Variants in PRR12 observed in about 807,000 individuals in gnomAD.
PRR12 encodes proline-rich protein 12.
In PRR12, 12 loss-of-function variants were observed where a neutral mutation model predicts 138.0. The ratio of observed to expected loss-of-function variants is 0.09; its 90% CI spans 0.06 to 0.14. The LOEUF (loss-of-function observed/expected upper bound fraction) is 0.14, where lower values mean the gene tolerates loss of function less well. PRR12 is among the 10% of genes least tolerant of loss of function. The pLI, the probability that PRR12 is intolerant of heterozygous loss-of-function variation, is 1.00. For missense variants in PRR12, 2,692 were observed against 2,861.3 expected (o/e 0.94, Z 1.35); for synonymous variants, 1,567 against 1,291.7 (o/e 1.21, Z -4.57).
At chr19:49,604,446 G>A (rs919405420) in intron 6 of PRR12, among the ~76,000 whole-genome samples, 3 of 151,562 alleles carry the variant, frequency 2.0e-5, no homozygotes, top group Non-Finnish European at 2.9e-5. Flanking sequence ...GGGAGGCCAA[G>A]ACGGGCAGAT....
At chr19:49,593,235 A>G in intron 1 of PRR12, 92 bp from the exon 2 acceptor site, 10 of 414,264 alleles carry the variant, frequency 2.4e-5, no homozygotes, top group East Asian at 6.5e-5. Context: ...GGTCAGCTGG[A>G]AGGGTCCCCC....
intron 6 of PRR12, among the ~76,000 whole-genome samples, chr19:49,611,000 G>C (rs1205362373): frequency 6.6e-6 from 1 of 151,226 alleles, no homozygotes; most frequent in Non-Finnish European, 1.5e-5. Flanking sequence ...GCACCATCAT[G>C]CCCGGCTAAT....
chr19:49,591,609 TCCCTCCCTCCCTCCCCCTCCCC>T lies in PRR12; in HGVS notation c.-43_-22del. 8.6e-6 allele frequency: 1 copy of T among 116,490 alleles called. No individual in the cohort carries two copies. The highest frequency in any genetic ancestry group is 1.7e-5 in the Non-Finnish European group (1 of 59,886). 7.2% of individuals were successfully genotyped at this position (116,490 alleles called of 1,614,324 possible). A position where few individuals can be genotyped will look rare whatever the true frequency, so the allele number is the denominator to read the frequency against. ...GGAGAGCGCGCGCGCGCCCCCTCCCTCCCTCCCTCCCTCCCCCTCCCCCCAATTTCCACCGCGGCCAATTCAT... is the reference window on the plus strand; with the variant it reads ...GGAGAGCGCGCGCGCGCCCCCTCCCTCCAATTTCCACCGCGGCCAATTCAT... On this transcript the variant is annotated 5_prime_UTR_variant, in exon 1 of 14. Coordinates refer to ENST00000418929, the MANE Select transcript of PRR12 (RefSeq NM_020719.3).
intron 6 of PRR12, among the ~76,000 whole-genome samples, chr19:49,613,028 G>A (rs956961232): frequency 4.2e-4 from 64 of 151,982 alleles, no homozygotes; most frequent in African/African-American, 1.5e-3. Flanking sequence ...ATTCCAGGAA[G>A]CATTCTTGGA....
intron 9 of PRR12, among the ~76,000 whole-genome samples, chr19:49,618,181 G>A (rs1050251571): frequency 1.1e-4 from 17 of 151,964 alleles, no homozygotes; most frequent in African/African-American, 3.9e-4. Context: ...CTTGTTGACC[G>A]GCTGTTTGCC....
At position 49,597,183 on chromosome 19, in the gene PRR12, A is replaced by G. The variant is rs1236321724; in HGVS notation, c.2848A>G (p.Met950Val). The change falls in exon 4 of 14, where the codon ATG becomes GTG. Residue 950 changes from methionine (M) to valine (V), a missense_variant. By Grantham distance (21) the Met-to-Val change is conservative. Transcript: ENST00000418929. The surrounding 1 kb of genome is among the most constrained non-coding windows in gnomAD (Gnocchi z 6.3). ...QDEERSFFPT[M>V]EEMFGGGAAD... ...CGAGGAGCGCAGCTTCTTCCCCACC[A>G]TGGAGGAGATGTTCGGTGGAGGGGC... 2 of 1,554,662 alleles carry G rather than the reference A, an allele frequency of 1.3e-6. No individual in the cohort carries two copies. The highest frequency in any genetic ancestry group is 1.7e-6 in the Non-Finnish European group (2 of 1,149,238).
In PRR12 at chr19:49,625,444, A is replaced by G. The variant is rs772665683; in HGVS notation, c.5965-17A>G. 64 of 1,588,356 alleles carry G rather than the reference A, an allele frequency of 4.0e-5. No homozygotes were observed. Among genetic ancestry groups the G allele is most frequent in the Non-Finnish European group, 4.8e-5 (56 of 1,168,416 alleles). On this transcript the variant is annotated splice_polypyrimidine_tract_variant and intron_variant, in intron 13 of 13. Coordinates refer to ENST00000418929, the MANE Select transcript of PRR12 (RefSeq NM_020719.3). The surrounding 1 kb of genome is among the most constrained non-coding windows in gnomAD (Gnocchi z 5.5). ...CCGGTGTGCCACCCTCCCCAGTGCC[A>G]TGTTTGACCCCTGCAGACCCTGGCC...
chr19:49,591,253 G>A lies in PRR12; in HGVS notation c.-402G>A, dbSNP rs1412115307. On this transcript the variant is annotated 5_prime_UTR_variant, in exon 1 of 14. Coordinates refer to ENST00000418929, the MANE Select transcript of PRR12 (RefSeq NM_020719.3). ...CAGAGGAGGAGGAGGCGGCGGCGGC[G>A]GCGGCGAGAGAGCGAGCACCCAGCG... is the stretch of plus-strand genomic sequence containing the variant. Among the ~76,000 whole-genome samples, 1 of 148,350 alleles carries A rather than the reference G, an allele frequency of 6.7e-6. No homozygotes were observed. Among genetic ancestry groups the A allele is most frequent in the South Asian group, 2.2e-4 (1 of 4,618 alleles).
chr19:49,593,860 C>T (rs987300378), intron 2 of PRR12, among the ~76,000 whole-genome samples: 1 of 152,132 alleles, frequency 6.6e-6, no homozygotes, highest in Non-Finnish European at 1.5e-5. Context: ...CTTATTTTGC[C>T]CCATTGCCTT....
intron 6 of PRR12, among the ~76,000 whole-genome samples, chr19:49,610,835 GC>G (rs1396276181): frequency 1.3e-5 from 2 of 151,674 alleles, no homozygotes; most frequent in Admixed American, 6.6e-5. Context: ...GAGCCACTGC[GC>G]CCGGCCTTTT....
chr19:49,591,798 C>G lies in PRR12; in HGVS notation c.86+58C>G, dbSNP rs555262068. Reference sequence around the variant, plus strand: ...CCAAGGGGTGGGAGCCCAGCCGGGCCGGGCCGGGCCGGGCCGGGCCCGCCC... The same window carrying G: ...CCAAGGGGTGGGAGCCCAGCCGGGCGGGGCCGGGCCGGGCCGGGCCCGCCC... On this transcript the variant is annotated intron_variant, in intron 1 of 13. Coordinates refer to ENST00000418929, the MANE Select transcript of PRR12 (RefSeq NM_020719.3). 3.2e-6 allele frequency: 3 copies of G among 940,354 alleles called. No individual in the cohort carries two copies. In the South Asian group the frequency reaches 1.0e-4, roughly 31 times the overall value. 58.3% of individuals were successfully genotyped at this position (940,354 alleles called of 1,614,324 possible).
At chr19:49,607,623 G>A (rs977787349) in intron 6 of PRR12, among the ~76,000 whole-genome samples, 7 of 151,770 alleles carry the variant, frequency 4.6e-5, no homozygotes, top group African/African-American at 1.2e-4. Flanking sequence ...TGGGAGAATC[G>A]CTTCAGCCTG....
rs866564068 is a variant in PRR12 at position 49,596,047 on chromosome 19, C to T, written c.1712C>T (p.Pro571Leu). Residue 571 changes from proline to leucine, a missense_variant, in exon 4 of 14, where the codon CCG becomes CTG. By Grantham distance (98) the Pro-to-Leu change is moderately conservative. Around this residue, in one of 11 missense-constraint regions of PRR12, gnomAD observed 66 missense variants for 102.4 expected, o/e 0.64. Coordinates refer to ENST00000418929, the MANE Select transcript of PRR12 (RefSeq NM_020719.3). This position sits in a 1 kb window ranked among gnomAD's most constrained non-coding sequence, Gnocchi z 5.6. ...CACATCATTCGTCCGCTCCAGTCAC[C>T]GCCTGCCACCGGCCGTCCACCTGGA... ...PSHIIRPLQSPPATGRPPGVG... is the reference protein window; with the variant it reads ...PSHIIRPLQSLPATGRPPGVG... 7 of 1,601,460 alleles carry T rather than the reference C, an allele frequency of 4.4e-6. No homozygotes were observed. The highest frequency in any genetic ancestry group is 4.5e-5 in the East Asian group (2 of 44,872).
In PRR12 at chr19:49,616,366, T is replaced by A; in HGVS notation, c.5497+147T>A. The stretch of plus-strand genomic sequence containing the variant: ...GGCAGTAGCTCACAGTCACGGGGCA[T>A]CTCACTACACGACAGGCTGCCTCCT... On this transcript the variant is annotated intron_variant, in intron 9 of 13. Coordinates refer to ENST00000418929, the MANE Select transcript of PRR12 (RefSeq NM_020719.3). This position sits in a 1 kb window ranked among gnomAD's most constrained non-coding sequence, Gnocchi z 4.2. 1.5e-6 allele frequency: 1 copy of A among 671,678 alleles called. No individual in the cohort carries two copies. Among genetic ancestry groups the A allele is most frequent in the Non-Finnish European group, 2.3e-6 (1 of 437,450 alleles). 41.6% of individuals were successfully genotyped at this position (671,678 alleles called of 1,614,324 possible).
chr19:49,602,372 C>G (rs2080817191), intron 6 of PRR12, among the ~76,000 whole-genome samples: 1 of 152,156 alleles, frequency 6.6e-6, no homozygotes, highest in South Asian at 2.1e-4. Flanking sequence ...CATAGACTAC[C>G]TGCAGATACA....
At position 49,625,649 on chromosome 19, in the gene PRR12, G is replaced by C. The variant is rs769995946; in HGVS notation, c.*42G>C. The C allele has an allele frequency of 1.9e-6, 3 of 1,562,112 alleles. No homozygotes were observed. The highest frequency in any genetic ancestry group is 1.7e-4 in the Middle Eastern group (1 of 5,842). ...GAGGGGGGCGCCTCCTCCATGAACC[G>C]AGAATTGGGACAGAACCGTGTCCTC... On this transcript the variant is annotated 3_prime_UTR_variant, in exon 14 of 14. Transcript: ENST00000418929. This position sits in a 1 kb window ranked among gnomAD's most constrained non-coding sequence, Gnocchi z 5.5.
At chr19:49,621,765 G>T (rs2080924835) in intron 11 of PRR12, 143 bp downstream of exon 11, 2 of 672,420 alleles carry the variant, frequency 3.0e-6, no homozygotes, top group Non-Finnish European at 5.1e-6. Flanking sequence ...TTGAGGGCAG[G>T]ACTGTCAGGA....
chr19:49,602,771 C>G (rs1452234197), intron 6 of PRR12, among the ~76,000 whole-genome samples: 2 of 152,144 alleles, frequency 1.3e-5, no homozygotes, highest in Non-Finnish European at 1.5e-5. Context: ...AGGCTGGTCT[C>G]GAACTCCTGA....
intron 6 of PRR12, among the ~76,000 whole-genome samples, chr19:49,612,922 A>G (rs2080873971): frequency 6.6e-6 from 1 of 151,846 alleles, no homozygotes; most frequent in Admixed American, 6.6e-5. Flanking sequence ...CGGCCTCCCA[A>G]AATGTTGGGA....
Sources: gnomAD v4.1 joint callset for allele counts (sites outside exome capture counted in the v4.1 genomes callset) on GRCh38, gnomAD v4.1.1 for gene constraint, gnomAD v4.1.1 regional missense constraint, Gnocchi (gnomAD v3.1) non-coding constraint, MANE v1.5 for transcripts, NCBI Gene and HGNC (gene_info 2026-07-23, HGNC 2026-07-21) for gene names.